Variants in SLC23A2 observed in about 807,000 individuals in gnomAD.
The protein encoded by SLC23A2 is solute carrier family 23 member 2.
A neutral mutation model predicts 73.3 loss-of-function variants in SLC23A2; 36 were observed. The observed-to-expected ratio is 0.49, with a 90% CI of 0.38 to 0.65. The LOEUF is 0.65. Among genes scored for constraint, SLC23A2 ranks in the 30% least tolerant of loss-of-function variants. The pLI, the probability that SLC23A2 is intolerant of heterozygous loss-of-function variation, is 0.00. For missense variants in SLC23A2, 507 were observed against 841.6 expected, an observed-to-expected ratio of 0.60 and a Z score of 4.92; for synonymous variants, 343 against 327.3, an observed-to-expected ratio of 1.05 and a Z score of -0.52.
At position 4,883,875 on chromosome 20, in the gene SLC23A2, ACT is replaced by A. The variant is rs772243273; in HGVS notation, c.643-54_643-53del. 12 of 1,244,082 alleles carry A rather than the reference ACT, an allele frequency of 9.6e-6. No individual in the cohort carries two copies. The highest frequency in any genetic ancestry group is 1.3e-5 in the Non-Finnish European group (12 of 895,342). The allele number at this position is 1,244,082 out of a possible 1,614,324, so 77.1% of individuals were successfully genotyped here. A position where few individuals can be genotyped will look rare whatever the true frequency, so the allele number is the denominator to read the frequency against. ...AGAGTGAGCTGCTTGTACACTGCAC[ACT>A]CAGAATGTCACCTACAACCACAACT... On this transcript the variant is annotated intron_variant, in intron 8 of 16. Transcript: ENST00000338244. This position sits in a 1 kb window ranked among gnomAD's most constrained non-coding sequence, Gnocchi z 4.5.
At chr20:4,986,689 C>CACACACAGAGAGAG (rs71197739) in intron 1 of SLC23A2, among the ~76,000 whole-genome samples, 1 of 129,890 alleles carries the variant, frequency 7.7e-6, no homozygotes, top group Non-Finnish European at 1.6e-5. Flanking sequence ...CACACACACA[C>CACACACAGAGAGAG]AGAGATGAAT....
chr20:4,977,407 A>G (rs754229052), intron 1 of SLC23A2, among the ~76,000 whole-genome samples: 1 of 151,942 alleles, frequency 6.6e-6, no homozygotes, highest in African/African-American at 2.4e-5. Flanking sequence ...CAAGCTCTCA[A>G]GCTGGGCACC....
intron 4 of SLC23A2, among the ~76,000 whole-genome samples, chr20:4,907,294 C>T (rs549810211): frequency 2.0e-4 from 30 of 152,048 alleles, no homozygotes; most frequent in Admixed American, 6.5e-4. Flanking sequence ...TCTATAGATC[C>T]CACAGAGACA....
intron 1 of SLC23A2, among the ~76,000 whole-genome samples, chr20:4,994,877 T>A (rs1299671060): frequency 1.3e-5 from 2 of 151,702 alleles, no homozygotes; most frequent in African/African-American, 4.8e-5. Flanking sequence ...GAGGTTGCAG[T>A]GAGCCAAGAT....
intron 1 of SLC23A2, among the ~76,000 whole-genome samples, chr20:4,999,253 C>T (rs2088075962): frequency 6.6e-6 from 1 of 152,188 alleles, no homozygotes; most frequent in Admixed American, 6.5e-5. Context: ...ATTTCAAACA[C>T]CCCACAAACT....
chr20:4,998,049 C>A lies in SLC23A2; in HGVS notation c.-282+3357G>T, dbSNP rs2088052929. 6.6e-6 allele frequency among the ~76,000 whole-genome samples: 1 copy of A among 152,186 alleles called. No homozygotes were observed. Among genetic ancestry groups the A allele is most frequent in the African/African-American group, 2.4e-5 (1 of 41,456 alleles). On this transcript the variant is annotated intron_variant, in intron 1 of 16. Coordinates refer to ENST00000338244, the MANE Select transcript of SLC23A2 (RefSeq NM_005116.6). This position sits in a 1 kb window ranked among gnomAD's most constrained non-coding sequence, Gnocchi z 4.1. ...GAACCTTGACCTTGGACTTCCCAGA[C>A]TCCAGAATTATACGAAACAAATTTC...
chr20:4,915,008 A>G (rs1932276144), intron 3 of SLC23A2, among the ~76,000 whole-genome samples: 2 of 152,294 alleles, frequency 1.3e-5, no homozygotes, highest in South Asian at 4.1e-4. Flanking sequence ...CGAGCAAGAC[A>G]TCGACTCTAA....
At chr20:4,962,268 G>A (rs1019908821) in intron 2 of SLC23A2, among the ~76,000 whole-genome samples, 1 of 151,446 alleles carries the variant, frequency 6.6e-6, no homozygotes, top group Admixed American at 6.6e-5. Context: ...AAACAGAATA[G>A]TTAAGACCAG....
chr20:4,960,960 T>C lies in SLC23A2; in HGVS notation c.-155+9833A>G, dbSNP rs185536790. ...AAGACTATCTATCTTTAAAAGGATATACAGTCTGAACACACAAAAACTGGT... is the reference window on the plus strand; with the variant it reads ...AAGACTATCTATCTTTAAAAGGATACACAGTCTGAACACACAAAAACTGGT... On this transcript the variant is annotated intron_variant, in intron 2 of 16. Coordinates refer to ENST00000338244, the MANE Select transcript of SLC23A2 (RefSeq NM_005116.6). Among the ~76,000 whole-genome samples the C allele has an allele frequency of 5.8e-4, 88 of 152,262 alleles. 1 individual carries two copies. In the East Asian group the frequency reaches 0.016, roughly 27 times the overall value.
chr20:4,856,790 T>C lies in SLC23A2; in HGVS notation c.*182A>G, dbSNP rs946124141. ...GGAGTTAAGGGCTTAAATAAGGAGATAGGCGAGACACCGCATCAGGCACCA... is the reference window on the plus strand; with the variant it reads ...GGAGTTAAGGGCTTAAATAAGGAGACAGGCGAGACACCGCATCAGGCACCA... On this transcript the variant is annotated 3_prime_UTR_variant, in exon 17 of 17. Transcript: ENST00000338244. This position sits in a 1 kb window ranked among gnomAD's most constrained non-coding sequence, Gnocchi z 4.6. 6.8e-6 allele frequency: 4 copies of C among 586,964 alleles called. No individual in the cohort carries two copies. The highest frequency in any genetic ancestry group is 3.1e-5 in the Admixed American group (1 of 32,752). The allele number at this position is 586,964 out of a possible 1,614,324, so 36.4% of individuals were successfully genotyped here.
chr20:4,860,867 C>T (rs1016951398), intron 15 of SLC23A2, among the ~76,000 whole-genome samples: 18 of 152,066 alleles, frequency 1.2e-4, no homozygotes, highest in African/African-American at 3.9e-4. Flanking sequence ...ATGGTGAAAC[C>T]CCGTCTCTAC....
At chr20:4,954,406 G>A (rs1305295518) in intron 2 of SLC23A2, among the ~76,000 whole-genome samples, 2 of 152,024 alleles carry the variant, frequency 1.3e-5, no homozygotes, top group Non-Finnish European at 2.9e-5. Flanking sequence ...ATGAAAAAAG[G>A]AACATTTCAG....
intron 2 of SLC23A2, among the ~76,000 whole-genome samples, chr20:4,969,731 T>G (rs1024830273): frequency 6.6e-6 from 1 of 151,988 alleles, no homozygotes; most frequent in African/African-American, 2.4e-5. Context: ...ACTATAGGCG[T>G]GCACCACCAC....
intron 1 of SLC23A2, among the ~76,000 whole-genome samples, chr20:4,980,618 G>A (rs1190801068): frequency 1.3e-5 from 2 of 150,420 alleles, no homozygotes; most frequent in Admixed American, 6.7e-5. Context: ...TGCAACCTCC[G>A]CCTCCCAGTT....
chr20:4,893,428 T>A (rs183115022), intron 6 of SLC23A2, among the ~76,000 whole-genome samples: 31 of 152,238 alleles, frequency 2.0e-4, no homozygotes, highest in Non-Finnish European at 3.2e-4. Context: ...AACATACATA[T>A]ACAGAAAGAG....
intron 2 of SLC23A2, among the ~76,000 whole-genome samples, chr20:4,965,860 A>G (rs891858168): frequency 6.6e-6 from 1 of 151,894 alleles, no homozygotes; most frequent in African/African-American, 2.4e-5. Context: ...CCAGCTACTC[A>G]GGAGGCTGGG....
intron 3 of SLC23A2, among the ~76,000 whole-genome samples, chr20:4,918,640 G>A (rs1186941361): frequency 6.6e-6 from 1 of 151,994 alleles, no homozygotes; most frequent in African/African-American, 2.4e-5. Context: ...AGTGCCAGGC[G>A]AAACTGACAG....
intron 2 of SLC23A2, among the ~76,000 whole-genome samples, chr20:4,960,606 C>T (rs777698065): frequency 7.9e-5 from 12 of 152,222 alleles, no homozygotes; most frequent in African/African-American, 1.7e-4. Context: ...CACGCGCACA[C>T]GCACACACAC....
chr20:4,915,554 T>C (rs1333765643), intron 3 of SLC23A2, among the ~76,000 whole-genome samples: 5 of 152,196 alleles, frequency 3.3e-5, no homozygotes, highest in African/African-American at 1.2e-4. Context: ...AGATTCCCAA[T>C]TCATGTGTTT....
Sources: gnomAD v4.1 joint callset for allele counts (sites outside exome capture counted in the v4.1 genomes callset) on GRCh38, gnomAD v4.1.1 for gene constraint, Gnocchi (gnomAD v3.1) non-coding constraint, MANE v1.5 for transcripts, NCBI Gene and HGNC (gene_info 2026-07-23, HGNC 2026-07-21) for gene names.